The following DOK6 variants were observed in gnomAD, a reference collection of about 807,000 sequenced individuals.
The protein encoded by DOK6 is downstream of tyrosine kinase 6.
Under a neutral mutation model 44.0 loss-of-function variants are expected in DOK6, and 22 were observed. That is an observed-to-expected ratio of 0.50 (90% CI 0.36 to 0.71). The LOEUF (loss-of-function observed/expected upper bound fraction) is 0.71, where lower values mean the gene tolerates loss of function less well. Among genes scored for constraint, DOK6 ranks in the 30% least tolerant of loss-of-function variants. The probability of loss-of-function intolerance (pLI) is 0.00; values close to 1 mark genes in which losing one functional copy is unlikely to be tolerated. For synonymous variants in DOK6, 166 were observed against 145.5 expected (o/e 1.14, Z -1.01); for missense variants, 340 against 416.4 (o/e 0.82, Z 1.60).
chr18:69,786,319 G>C (rs1980427852), intron 7 of DOK6, among the ~76,000 whole-genome samples: 1 of 152,040 alleles, frequency 6.6e-6, no homozygotes, highest in South Asian at 2.1e-4. Flanking sequence ...ATTATATTTT[G>C]ATACAAGCAT....
intron 2 of DOK6, among the ~76,000 whole-genome samples, chr18:69,573,110 C>A (rs1983155064): frequency 6.6e-6 from 1 of 150,906 alleles, no homozygotes; most frequent in Admixed American, 6.6e-5. Flanking sequence ...CTTGACAGAA[C>A]CTGGGATACT....
At chr18:69,659,691 C>T (rs1233146395) in intron 3 of DOK6, 2 of 151,786 alleles carry the variant, frequency 1.3e-5, no homozygotes, top group African/African-American at 2.4e-5. Context: ...CTAAAAAGGA[C>T]GTTAATCTGA....
chr18:69,728,531 G>A (rs1327692388), intron 5 of DOK6, among the ~76,000 whole-genome samples: 3 of 151,924 alleles, frequency 2.0e-5, no homozygotes, highest in African/African-American at 7.3e-5. Flanking sequence ...TTCTTTTGCT[G>A]TAATAATACT....
chr18:69,503,849 TAG>T (rs1981112589), intron 1 of DOK6, among the ~76,000 whole-genome samples: 3 of 152,044 alleles, frequency 2.0e-5, no homozygotes, highest in Non-Finnish European at 1.5e-5. Flanking sequence ...AAGAAATGAA[TAG>T]AGTCATTATT....
intron 7 of DOK6, among the ~76,000 whole-genome samples, chr18:69,801,862 T>C (rs1026916096): frequency 9.2e-5 from 14 of 152,216 alleles, no homozygotes; most frequent in African/African-American, 3.1e-4. Flanking sequence ...TCTTGCAGAG[T>C]GTTGAGTAAA....
At chr18:69,526,410 T>C (rs1355847026) in intron 1 of DOK6, among the ~76,000 whole-genome samples, 2 of 152,220 alleles carry the variant, frequency 1.3e-5, no homozygotes, top group African/African-American at 2.4e-5. Context: ...TATTGTGGCA[T>C]GTATCAGTAT....
rs72967471 is a variant in DOK6 at position 69,580,708 on chromosome 18, C to G, written c.174+16114C>G. 2.6e-3 allele frequency among the ~76,000 whole-genome samples: 392 copies of G among 152,108 alleles called. 1 individual carries two copies. The highest frequency in any genetic ancestry group is 9.2e-3 in the African/African-American group (380 of 41,500). On this transcript the variant is annotated intron_variant, in intron 2 of 7. Transcript: ENST00000382713. ...GAATGTTAATCATCTGTCCTTCTAG[C>G]TATTTGAAAATATATAATATATTGT...
At chr18:69,808,086 T>C (rs552520567) in intron 7 of DOK6, among the ~76,000 whole-genome samples, 1 of 151,998 alleles carries the variant, frequency 6.6e-6, no homozygotes, top group Non-Finnish European at 1.5e-5. Context: ...TGAAATCCTG[T>C]CAAGTCTCTT....
At chr18:69,807,104 G>A (rs190852793) in intron 7 of DOK6, among the ~76,000 whole-genome samples, 121 of 151,874 alleles carry the variant, frequency 8.0e-4, no homozygotes, top group Non-Finnish European at 9.6e-4. Context: ...AGTTCTTAGC[G>A]TGTGGGCCCC....
intron 1 of DOK6, among the ~76,000 whole-genome samples, chr18:69,441,168 C>A (rs980209440): frequency 3.3e-5 from 5 of 152,060 alleles, no homozygotes; most frequent in Non-Finnish European, 7.4e-5. Flanking sequence ...ATACTCCTTA[C>A]ATGAATACCA....
At chr18:69,673,303 A>G (rs942708288) in intron 3 of DOK6, among the ~76,000 whole-genome samples, 2 of 152,090 alleles carry the variant, frequency 1.3e-5, no homozygotes, top group African/African-American at 4.8e-5. Flanking sequence ...ATTTAACTTT[A>G]ATGTCATTAT....
At chr18:69,665,971 G>T (rs768657749) in intron 3 of DOK6, among the ~76,000 whole-genome samples, 11 of 152,144 alleles carry the variant, frequency 7.2e-5, no homozygotes, top group Non-Finnish European at 1.3e-4. Context: ...AGCAGACCTT[G>T]ACTCTGAGAT....
At chr18:69,729,035 A>G (rs1978329216) in intron 5 of DOK6, among the ~76,000 whole-genome samples, 1 of 152,182 alleles carries the variant, frequency 6.6e-6, no homozygotes, top group Non-Finnish European at 1.5e-5. Flanking sequence ...CTGAGAAGTC[A>G]GAAGACAAAG....
intron 1 of DOK6, among the ~76,000 whole-genome samples, chr18:69,431,064 T>C (rs1283446198): frequency 1.3e-5 from 2 of 152,170 alleles, no homozygotes; most frequent in Non-Finnish European, 2.9e-5. Flanking sequence ...AAATCAGGTT[T>C]ATTACCTCAG....
At chr18:69,491,021 T>G (rs1402459615) in intron 1 of DOK6, among the ~76,000 whole-genome samples, 1 of 152,230 alleles carries the variant, frequency 6.6e-6, no homozygotes, top group Admixed American at 6.5e-5. Context: ...TTAATTAACA[T>G]TAACCAATGG....
intron 5 of DOK6, among the ~76,000 whole-genome samples, chr18:69,716,226 T>C (rs1272562994): frequency 2.0e-5 from 3 of 152,200 alleles, no homozygotes; most frequent in Non-Finnish European, 4.4e-5. Flanking sequence ...TATTCTTTTC[T>C]ACCTACTGGA....
At chr18:69,684,109 T>C (rs1346796634) in intron 4 of DOK6, among the ~76,000 whole-genome samples, 2 of 152,250 alleles carry the variant, frequency 1.3e-5, no homozygotes, top group East Asian at 3.8e-4. Flanking sequence ...GTAGCAATTT[T>C]GCCTGCCATT....
chr18:69,714,540 G>C (rs1986839048), intron 5 of DOK6, among the ~76,000 whole-genome samples: 1 of 151,958 alleles, frequency 6.6e-6, no homozygotes, highest in Non-Finnish European at 1.5e-5. Context: ...AGTTTATGTG[G>C]AATAAGTAAA....
chr18:69,642,266 T>C (rs1212875300), intron 3 of DOK6, among the ~76,000 whole-genome samples: 2 of 152,216 alleles, frequency 1.3e-5, no homozygotes, highest in Non-Finnish European at 2.9e-5. Context: ...TATTTAATAC[T>C]GATAAAAGAA....
Sources: allele counts gnomAD v4.1 joint callset (sites outside exome capture counted in the v4.1 genomes callset), GRCh38; gene constraint gnomAD v4.1.1; transcripts MANE v1.5; gene names NCBI Gene and HGNC (gene_info 2026-07-23, HGNC 2026-07-21).